The following KIF16B variants were observed in gnomAD, a reference collection of about 807,000 sequenced individuals.
KIF16B encodes the protein kinesin-like protein KIF16B.
KIF16B carries 98 observed loss-of-function variants against 156.3 expected under a neutral mutation model. The ratio of observed to expected loss-of-function variants is 0.63; its 90% CI spans 0.53 to 0.74. The LOEUF is 0.74. Ranked by LOEUF, KIF16B falls within the 30% of genes least tolerant of loss-of-function variation. The pLI, the probability that KIF16B is intolerant of heterozygous loss-of-function variation, is 0.00. For synonymous variants in KIF16B, 564 were observed against 583.7 expected (o/e 0.97, Z 0.49); for missense variants, 1,421 against 1,606.5 (o/e 0.88, Z 1.97).
chr20:16,431,489 C>T (rs1427342884), intron 12 of KIF16B, among the ~76,000 whole-genome samples: 4 of 152,210 alleles, frequency 2.6e-5, no homozygotes, highest in Non-Finnish European at 4.4e-5. Flanking sequence ...GATGCACTCA[C>T]TGCGGTTCCT....
At chr20:16,331,578 T>C (rs1348769815) in intron 24 of KIF16B, among the ~76,000 whole-genome samples, 1 of 152,226 alleles carries the variant, frequency 6.6e-6, no homozygotes, top group Non-Finnish European at 1.5e-5. Context: ...AAAAATATAC[T>C]ATCATCAAAC....
At chr20:16,516,793 T>C (rs1600600721) in intron 3 of KIF16B, among the ~76,000 whole-genome samples, 1 of 152,134 alleles carries the variant, frequency 6.6e-6, no homozygotes, top group East Asian at 1.9e-4. Context: ...CTTTGAAAAG[T>C]CCAATGGCCA....
intron 1 of KIF16B, among the ~76,000 whole-genome samples, chr20:16,546,502 G>A (rs1057307880): frequency 1.3e-5 from 2 of 152,128 alleles, no homozygotes; most frequent in African/African-American, 4.8e-5. Context: ...ATGATCTCTG[G>A]GAGCTTACAT....
At chr20:16,535,623 G>A (rs146354801) in intron 1 of KIF16B, among the ~76,000 whole-genome samples, 2 of 152,094 alleles carry the variant, frequency 1.3e-5, no homozygotes, top group Admixed American at 6.5e-5. Flanking sequence ...GTTAGCAGTG[G>A]GTTTGTCATA....
chr20:16,565,423 T>C (rs941538319), intron 1 of KIF16B, among the ~76,000 whole-genome samples: 6 of 152,320 alleles, frequency 3.9e-5, no homozygotes, highest in African/African-American at 1.4e-4. Flanking sequence ...AGTTCTGACG[T>C]TGTGAACCCC....
At chr20:16,370,024 C>T (rs928794027) in intron 22 of KIF16B, among the ~76,000 whole-genome samples, 13 of 152,138 alleles carry the variant, frequency 8.5e-5, no homozygotes, top group African/African-American at 2.9e-4. Context: ...AATGTATGGA[C>T]ACCATCTGGA....
chr20:16,314,532 A>G (rs2063668085), intron 24 of KIF16B, among the ~76,000 whole-genome samples: 1 of 152,198 alleles, frequency 6.6e-6, no homozygotes, highest in South Asian at 2.1e-4. Context: ...GGTAAAGTGA[A>G]AGACCATGGG....
At chr20:16,297,864 A>C (rs916500918) in intron 25 of KIF16B, among the ~76,000 whole-genome samples, 3 of 151,970 alleles carry the variant, frequency 2.0e-5, no homozygotes, top group Non-Finnish European at 4.4e-5. Flanking sequence ...CAGTGCACCT[A>C]GTTTAGGCCA....
At chr20:16,458,258 T>C (rs1315391910) in intron 12 of KIF16B, among the ~76,000 whole-genome samples, 1 of 152,184 alleles carries the variant, frequency 6.6e-6, no homozygotes, top group African/African-American at 2.4e-5. Context: ...AATACAAAAT[T>C]AATATGCTTG....
chr20:16,466,808 G>A (rs2067505324), intron 12 of KIF16B, among the ~76,000 whole-genome samples: 1 of 152,142 alleles, frequency 6.6e-6, no homozygotes, highest in African/African-American at 2.4e-5. Context: ...ACCAGGGTAG[G>A]AAAACCTAAA....
chr20:16,277,988 C>T (rs1184960811), intron 25 of KIF16B, among the ~76,000 whole-genome samples: 2 of 152,226 alleles, frequency 1.3e-5, no homozygotes, highest in Non-Finnish European at 2.9e-5. Flanking sequence ...CTGAGAACAG[C>T]AAAAGCACCT....
At chr20:16,410,101 A>G (rs542372030) in intron 15 of KIF16B, among the ~76,000 whole-genome samples, 38 of 128,074 alleles carry the variant, frequency 3.0e-4, no homozygotes, top group African/African-American at 1.1e-3. Flanking sequence ...GTACATATAT[A>G]TATATGTAGG....
At chr20:16,356,666 C>A (rs568356366) in intron 22 of KIF16B, among the ~76,000 whole-genome samples, 2 of 152,288 alleles carry the variant, frequency 1.3e-5, no homozygotes, top group East Asian at 3.9e-4. Flanking sequence ...TATACCGTTC[C>A]AAGGAGTTAG....
rs150070209 is a variant in KIF16B, at chr20:16,469,878, C to T, written c.1302+24413G>A. ...CTACACAGAAACCTAAACACGGATG[C>T]GTACAGGAGCTTTACTCATAATTGC... On this transcript the variant is annotated intron_variant, in intron 12 of 25. Transcript: ENST00000354981. 3.1e-3 allele frequency among the ~76,000 whole-genome samples: 471 copies of T among 152,112 alleles called. 3 individuals carry two copies. The highest frequency in any genetic ancestry group is 0.019 in the East Asian group (99 of 5,170).
At chr20:16,310,859 T>C (rs1048844284) in intron 25 of KIF16B, among the ~76,000 whole-genome samples, 1 of 152,200 alleles carries the variant, frequency 6.6e-6, no homozygotes, top group African/African-American at 2.4e-5. Flanking sequence ...AGCATGGCTG[T>C]ATCCCGAAAC....
intron 23 of KIF16B, among the ~76,000 whole-genome samples, chr20:16,350,700 TC>T (rs2064321056): frequency 6.7e-6 from 1 of 150,316 alleles, no homozygotes; most frequent in Admixed American, 6.6e-5. Flanking sequence ...ACTGACTCCA[TC>T]AGTGCGGATG....
intron 1 of KIF16B, among the ~76,000 whole-genome samples, chr20:16,554,318 C>A (rs61389974): frequency 0.034 from 5,189 of 152,242 alleles, 272 homozygotes; most frequent in African/African-American, 0.12. Flanking sequence ...CAATGACCTG[C>A]CAGCTGCCGA....
intron 25 of KIF16B, among the ~76,000 whole-genome samples, chr20:16,296,608 C>A (rs1220309689): frequency 4.6e-5 from 7 of 152,138 alleles, no homozygotes; most frequent in African/African-American, 1.7e-4. Context: ...AGCGTGGGAG[C>A]TGGGGAGATG....
intron 12 of KIF16B, among the ~76,000 whole-genome samples, chr20:16,466,249 C>T (rs1010814699): frequency 3.9e-5 from 6 of 152,200 alleles, no homozygotes; most frequent in Non-Finnish European, 8.8e-5. Flanking sequence ...AGTCACCACT[C>T]CATCCTAACA....
Sources: gnomAD v4.1 joint callset for allele counts (sites outside exome capture counted in the v4.1 genomes callset) on GRCh38, gnomAD v4.1.1 for gene constraint, MANE v1.5 for transcripts, NCBI Gene and HGNC (gene_info 2026-07-23, HGNC 2026-07-21) for gene names.